The following REPS2 variants were observed in gnomAD, a reference collection of about 807,000 sequenced individuals.
REPS2 encodes the protein RALBP1 associated Eps domain containing 2.
A neutral mutation model predicts 53.6 loss-of-function variants in REPS2; 23 were observed. That is an observed-to-expected ratio of 0.43 (90% CI 0.31 to 0.61). The LOEUF is 0.61. Ranked by LOEUF, REPS2 falls within the 20% of genes least tolerant of loss-of-function variation. The pLI is 0.11. For missense variants in REPS2, 446 were observed against 534.9 expected (o/e 0.83, Z 1.64); for synonymous variants, 238 against 218.6 (o/e 1.09, Z -0.78).
Position 17,006,351 on chromosome X carries a change from A to G in REPS2, c.397+7A>G, listed in dbSNP as rs751567273. 6 of 1,204,543 alleles carry G rather than the reference A, an allele frequency of 5.0e-6. No individual in the cohort carries two copies. The highest frequency in any genetic ancestry group is 5.6e-6 in the Non-Finnish European group (5 of 889,800). ...ATAGAGAGTATTAAATGTGGTGAGTATCTCACATTTGTATGTTTTATTGTC... is the reference window on the plus strand; with the variant it reads ...ATAGAGAGTATTAAATGTGGTGAGTGTCTCACATTTGTATGTTTTATTGTC... On this transcript the variant is annotated splice_region_variant and intron_variant, in intron 2 of 17. Coordinates refer to ENST00000357277, the MANE Select transcript of REPS2 (RefSeq NM_004726.3).
rs150582586 is a variant in REPS2, at chrX:17,032,584, G to T, written c.771+2961G>T. On this transcript the variant is annotated intron_variant, in intron 5 of 17. Coordinates refer to ENST00000357277, the MANE Select transcript of REPS2 (RefSeq NM_004726.3). ...GGTGATAAGGGATTAATGTTTACTG[G>T]GCATGGTGCTAGGCCTAGGCTGGGG... 9.0e-4 allele frequency among the ~76,000 whole-genome samples: 101 copies of T among 111,831 alleles called. 4 individuals are homozygous for T. The East Asian group carries it at 0.014, about 16-fold the overall frequency.
chrX:17,037,661 C>T (rs769696093), intron 5 of REPS2, among the ~76,000 whole-genome samples: 2 of 112,430 alleles, frequency 1.8e-5, no homozygotes, highest in Non-Finnish European at 3.8e-5. Context: ...CTGTGTACCA[C>T]ACTTCTTGAC....
At position 17,077,276 on chromosome X, in the gene REPS2, A is replaced by G; in HGVS notation, c.1385A>G (p.Tyr462Cys). 8.5e-7 allele frequency: 1 copy of G among 1,183,085 alleles called. No individual in the cohort carries two copies. The highest frequency in any genetic ancestry group is 1.1e-6 in the Non-Finnish European group (1 of 883,059). ...SLKARPRSRS[Y>C]SSTSIEEAMK... ...CTTCCCTTATTTTGCTACAGATCTT[A>G]CTCTAGCACCTCCATAGAAGAGGCC... Residue 462 changes from tyrosine to cysteine, a missense_variant, in exon 13 of 18, where the codon TAC (tyrosine) becomes TGC (cysteine). Physicochemically the swap from Tyr to Cys is radical, Grantham distance 194 (BLOSUM62 -2). Coordinates refer to ENST00000357277, the MANE Select transcript of REPS2 (RefSeq NM_004726.3).
intron 10 of REPS2, among the ~76,000 whole-genome samples, chrX:17,069,219 C>T (rs2062269493): frequency 9.0e-6 from 1 of 111,726 alleles, no homozygotes; most frequent in Non-Finnish European, 1.9e-5. Flanking sequence ...GAATCATTTG[C>T]CTAGTTATTA....
intron 1 of REPS2, among the ~76,000 whole-genome samples, chrX:16,962,555 T>C (rs192160160): frequency 1.3e-3 from 148 of 111,375 alleles, no homozygotes; most frequent in Middle Eastern, 4.6e-3. Context: ...GTGTACAAAC[T>C]TGCAGTGATG....
intron 1 of REPS2, among the ~76,000 whole-genome samples, chrX:16,958,068 C>A (rs775249097): frequency 2.7e-5 from 3 of 112,133 alleles, no homozygotes; most frequent in African/African-American, 6.5e-5. Context: ...GGTTCACTTA[C>A]TTGCCCAAGG....
intron 2 of REPS2, among the ~76,000 whole-genome samples, chrX:17,017,104 TG>T (rs2061508386): frequency 9.0e-6 from 1 of 111,609 alleles, no homozygotes; most frequent in South Asian, 3.8e-4. Context: ...CCTGAGTAGC[TG>T]GGACTATAGG....
intron 2 of REPS2, among the ~76,000 whole-genome samples, chrX:17,007,270 G>C (rs942984286): frequency 2.3e-4 from 26 of 111,859 alleles, no homozygotes; most frequent in African/African-American, 8.5e-4. Context: ...GGAAGACCAA[G>C]CCCTTCACAC....
chrX:17,179,244 G>A, the REPS2 span, among the ~76,000 whole-genome samples: 1 of 111,795 alleles, frequency 8.9e-6, no homozygotes, highest in African/African-American at 3.3e-5. Flanking sequence ...GAGCTGGCTG[G>A]GTGGATTTGT....
chrX:17,077,540 G>GGAA, intron 13 of REPS2, 133 bp downstream of exon 13: 1 of 608,220 alleles, frequency 1.6e-6, no homozygotes, highest in Non-Finnish European at 2.4e-6. Flanking sequence ...AGGTCTTCAC[G>GGAA]TGGCTATGGT....
At chrX:17,024,032 T>C (rs1279770164) in intron 3 of REPS2, among the ~76,000 whole-genome samples, 3 of 109,396 alleles carry the variant, frequency 2.7e-5, no homozygotes, top group Non-Finnish European at 3.8e-5. Context: ...CTCATGCCTG[T>C]AATCCCAGCA....
chrX:17,069,671 TCTC>T (rs898071483), intron 10 of REPS2, among the ~76,000 whole-genome samples: 4 of 111,579 alleles, frequency 3.6e-5, no homozygotes, highest in African/African-American at 1.3e-4. Context: ...TGGTAATACT[TCTC>T]CTATCTGCTT....
intron 14 of REPS2, among the ~76,000 whole-genome samples, chrX:17,118,721 A>G (rs918952943): frequency 9.8e-5 from 11 of 112,086 alleles, no homozygotes; most frequent in Admixed American, 1.9e-4. Context: ...GTGCCCACCA[A>G]TAATTTTCTA....
At chrX:16,948,444 A>G (rs1327819679) in intron 1 of REPS2, among the ~76,000 whole-genome samples, 1 of 112,432 alleles carries the variant, frequency 8.9e-6, no homozygotes, top group Non-Finnish European at 1.9e-5. Context: ...AGAGAAAGTC[A>G]GTGTCTTAAA....
At chrX:17,134,130 T>G (rs2063330147) in intron 15 of REPS2, among the ~76,000 whole-genome samples, 1 of 111,670 alleles carries the variant, frequency 9.0e-6, no homozygotes, top group Non-Finnish European at 1.9e-5. Context: ...CTCAACCTCC[T>G]TAGCCCCCCA....
At chrX:17,068,600 A>C in intron 10 of REPS2, 129 bp downstream of exon 10, 1 of 450,866 alleles carries the variant, frequency 2.2e-6, no homozygotes, top group East Asian at 4.0e-5. Context: ...GGATAGACTA[A>C]GTAGTTCAAA....
rs183337880 is a variant in REPS2, at chrX:17,050,129, T to C, written c.908-2253T>C. ...GCCTTTTCTATGTTTCTTCTTTCTT[T>C]CTTCCTTTCTTCCTTTCTTTCTTTC... On this transcript the variant is annotated intron_variant, in intron 6 of 17. Transcript: ENST00000357277. Among the ~76,000 whole-genome samples the C allele has an allele frequency of 6.3e-4, 35 of 55,274 alleles. No homozygotes were observed. The East Asian group carries it at 9.1e-3, about 14-fold the overall frequency. The allele number at this position is 55,274 out of a possible 115,157, so 48.0% of individuals were successfully genotyped here. A position where few individuals can be genotyped will look rare whatever the true frequency, so the allele number is the denominator to read the frequency against.
intron 17 of REPS2, among the ~76,000 whole-genome samples, chrX:17,141,065 A>G (rs1211964070): frequency 8.9e-6 from 1 of 111,810 alleles, no homozygotes; most frequent in Non-Finnish European, 1.9e-5. Context: ...CCACCGCGCC[A>G]GCGCACGCAC....
intron 14 of REPS2, among the ~76,000 whole-genome samples, chrX:17,122,773 T>A (rs1300429109): frequency 5.4e-5 from 6 of 112,099 alleles, no homozygotes. Flanking sequence ...AATTGAAAAA[T>A]TTTAAAGCCA....
Sources: allele counts gnomAD v4.1 joint callset (sites outside exome capture counted in the v4.1 genomes callset), GRCh38; gene constraint gnomAD v4.1.1; transcripts MANE v1.5; gene names NCBI Gene and HGNC (gene_info 2026-07-23, HGNC 2026-07-21).